The following CAPN10 variants were observed in gnomAD, a reference collection of about 807,000 sequenced individuals.
CAPN10 encodes the protein calpain-10.
Under a neutral mutation model 78.4 loss-of-function variants are expected in CAPN10, and 71 were observed. The observed-to-expected ratio is 0.91, with a 90% CI of 0.75 to 1.10. The LOEUF is 1.10. CAPN10 is among the 50% of genes least tolerant of loss of function. The probability of loss-of-function intolerance (pLI) is 0.00; values close to 1 mark genes in which losing one functional copy is unlikely to be tolerated. For synonymous variants in CAPN10, 437 were observed against 407.2 expected (o/e 1.07, Z -0.88); for missense variants, 849 against 924.6 (o/e 0.92, Z 1.06).
Position 240,589,484 on chromosome 2 carries a change from C to G in CAPN10, c.273+10C>G. Reference sequence around the variant, plus strand: ...GCACCTCCTGGACCAGGTGCGGGGCCCCTTCCCTGTGTTTGTCCTGGAGCC... The same window carrying G: ...GCACCTCCTGGACCAGGTGCGGGGCGCCTTCCCTGTGTTTGTCCTGGAGCC... On this transcript the variant is annotated intron_variant, in intron 2 of 11. Transcript: ENST00000391984. 4 of 1,606,576 alleles carry G rather than the reference C, an allele frequency of 2.5e-6. No individual in the cohort carries two copies. The highest frequency in any genetic ancestry group is 2.5e-6 in the Non-Finnish European group (3 of 1,176,914).
Position 240,594,728 on chromosome 2 carries a change from G to A in CAPN10, c.997+19G>A, listed in dbSNP as rs200267016. On this transcript the variant is annotated intron_variant, in intron 6 of 11. Transcript: ENST00000391984. ...TACACAGGTAGTGCCCCGAGGGGCT[G>A]TGCTGGGCACGTGCTCTGCCTGCCG... 11 of 1,604,604 alleles carry A rather than the reference G, an allele frequency of 6.9e-6. No homozygotes were observed. The South Asian group carries it at 1.1e-4, about 16-fold the overall frequency.
chr2:240,595,401 G>A (rs760958626), intron 7 of CAPN10, 97 bp downstream of exon 7: 41 of 1,341,882 alleles, frequency 3.1e-5, no homozygotes, highest in Non-Finnish European at 4.1e-5. Flanking sequence ...GGACACATGT[G>A]ACTCTGCCAC....
At chr2:240,587,445 C>T (rs67448739) in intron 1 of CAPN10, among the ~76,000 whole-genome samples, 21,002 of 152,290 alleles carry the variant, frequency 0.14, 1,567 homozygotes, top group South Asian at 0.19. Context: ...CTAGGCCGAG[C>T]CCACAAAGCA....
rs2093150556 is a variant in CAPN10, at chr2:240,598,309, G to A, written c.1944-43G>A. ...GCCAGGAGCACACAGCCACTTGTGT[G>A]ACAAGTGCAGTCTGGGAGCGCTGAT... is the stretch of plus-strand genomic sequence containing the variant. On this transcript the variant is annotated intron_variant, in intron 10 of 11. Transcript: ENST00000391984. 1.9e-6 allele frequency: 3 copies of A among 1,598,070 alleles called. No individual in the cohort carries two copies. The Admixed American group carries it at 5.0e-5, about 27-fold the overall frequency.
At chr2:240,594,422 C>T (rs1038068768) in intron 5 of CAPN10, 121 bp from the exon 6 acceptor site, 12 of 996,026 alleles carry the variant, frequency 1.2e-5, no homozygotes, top group African/African-American at 1.6e-5. Flanking sequence ...AGCTGGGGCA[C>T]GGGGTTGCTG....
chr2:240,594,905 C>A (rs2093126818), intron 6 of CAPN10, 119 bp from the exon 7 acceptor site: 3 of 887,122 alleles, frequency 3.4e-6, no homozygotes, highest in Non-Finnish European at 4.7e-6. Flanking sequence ...GTGGGAGGGG[C>A]TGGCTCTGTC....
At chr2:240,594,132 C>G in intron 5 of CAPN10, 85 bp downstream of exon 5, 1 of 1,391,738 alleles carries the variant, frequency 7.2e-7, no homozygotes, top group Non-Finnish European at 9.6e-7. Context: ...CTTCAGCTGT[C>G]AGGACTGTAC....
chr2:240,591,042 C>G (rs780543359), intron 3 of CAPN10, 31 bp downstream of exon 3: 4 of 1,600,204 alleles, frequency 2.5e-6, no homozygotes, highest in African/African-American at 2.7e-5. Flanking sequence ...AGGGCCTGGC[C>G]TGGGGCAAGT....
chr2:240,591,969 G>A lies in CAPN10; in HGVS notation c.507G>A (p.Gln169=), dbSNP rs1257562521. The A allele has an allele frequency of 3.1e-6, 5 of 1,613,464 alleles. No homozygotes were observed. The highest frequency in any genetic ancestry group is 1.7e-5 in the Admixed American group (1 of 60,002). The change falls in exon 4 of 12, where the codon CAG becomes CAA. Residue 169 remains glutamine, a synonymous_variant. Transcript: ENST00000391984. ...CCTACGAGCACCTGTGGGCCGGGCAGGTGGCGGATGCCCTGGTGGACCTGA... is the reference window on the plus strand; with the variant it reads ...CCTACGAGCACCTGTGGGCCGGGCAAGTGGCGGATGCCCTGGTGGACCTGA... ...HGSYEHLWAG[Q]VADALVDLTG...
At chr2:240,596,294 C>T (rs752717259) in intron 7 of CAPN10, 25 bp from the exon 8 acceptor site, 1 of 1,586,128 alleles carries the variant, frequency 6.3e-7, no homozygotes, top group African/African-American at 1.3e-5. Flanking sequence ...CTCCTCCACA[C>T]TGAGCCTCCT....
Position 240,589,359 on chromosome 2 carries a change from C to G in CAPN10, c.158C>G (p.Pro53Arg). 6.2e-7 allele frequency: 1 copy of G among 1,614,088 alleles called. No individual in the cohort carries two copies. Among genetic ancestry groups the G allele is most frequent in the Non-Finnish European group, 8.5e-7 (1 of 1,180,002 alleles). Reference protein sequence around the residue: ...WRRPQEICATPRLFPDDPREG... With the variant: ...WRRPQEICATRRLFPDDPREG... ...GTATCTCAGGAGATTTGTGCCACAC[C>G]CCGGCTGTTTCCAGATGACCCACGG... The change falls in exon 2 of 12, where the codon CCC (proline) becomes CGC (arginine). Residue 53 changes from proline to arginine, a missense_variant. Physicochemically the swap from Pro to Arg is moderately radical, Grantham distance 103 (BLOSUM62 -2). Transcript: ENST00000391984.
chr2:240,595,962 C>G, intron 7 of CAPN10: 1 of 1,365,712 alleles, frequency 7.3e-7, no homozygotes, highest in Non-Finnish European at 9.7e-7. Context: ...ACACTGTTCC[C>G]TGTCCCTTCA....
At position 240,594,646 on chromosome 2, in the gene CAPN10, T is replaced by A. The variant is rs2125462740; in HGVS notation, c.934T>A (p.Phe312Ile). ...WVEEEEFLRE[F>I]DELTVGYPVT... is the part of the protein sequence containing the mutation. ...GGAGGAGGAGGAGTTCCTCAGGGAGTTTGACGAGCTCACCGTTGGCTACCC... is the reference window on the plus strand; with the variant it reads ...GGAGGAGGAGGAGTTCCTCAGGGAGATTGACGAGCTCACCGTTGGCTACCC... The change falls in exon 6 of 12, where the codon TTT (phenylalanine) becomes ATT (isoleucine). Residue 312 changes from phenylalanine to isoleucine, a missense_variant. Phe to Ile is a conservative substitution (Grantham distance 21, BLOSUM62 0). Coordinates refer to ENST00000391984, the MANE Select transcript of CAPN10 (RefSeq NM_023083.4). 1 of 1,613,642 alleles carries A rather than the reference T, an allele frequency of 6.2e-7. No individual in the cohort carries two copies. Among genetic ancestry groups the A allele is most frequent in the African/African-American group, 1.3e-5 (1 of 74,914 alleles).
intron 11 of CAPN10, 70 bp from the exon 12 acceptor site, chr2:240,598,581 C>A: frequency 6.6e-7 from 1 of 1,515,794 alleles, no homozygotes; most frequent in Non-Finnish European, 9.0e-7. Context: ...CATTCCCTGG[C>A]TGCACTCGGG....
At chr2:240,593,719 T>C (rs1385308362) in intron 4 of CAPN10, among the ~76,000 whole-genome samples, 187 bp from the exon 5 acceptor site, 3 of 152,184 alleles carry the variant, frequency 2.0e-5, no homozygotes, top group Non-Finnish European at 4.4e-5. Flanking sequence ...GAGATGCTCC[T>C]GAGCTGATGG....
intron 2 of CAPN10, chr2:240,590,546 C>T (rs956084131): frequency 6.9e-5 from 29 of 423,018 alleles, no homozygotes; most frequent in East Asian, 6.3e-4. Flanking sequence ...CCTGTGCAGG[C>T]GCCGACATCC....
intron 1 of CAPN10, among the ~76,000 whole-genome samples, chr2:240,588,911 A>G (rs750107926): frequency 6.6e-6 from 1 of 152,110 alleles, no homozygotes; most frequent in Non-Finnish European, 1.5e-5. Context: ...GGGGTGGGCA[A>G]GGGCAGTGTG....
In CAPN10 at chr2:240,598,939, C is replaced by G; in HGVS notation, c.*259C>G. The G allele has an allele frequency of 1.8e-6, 1 of 561,918 alleles. No individual in the cohort carries two copies. Among genetic ancestry groups the G allele is most frequent in the Non-Finnish European group, 3.2e-6 (1 of 312,538 alleles). 34.8% of individuals were successfully genotyped at this position (561,918 alleles called of 1,614,324 possible). On this transcript the variant is annotated 3_prime_UTR_variant, in exon 12 of 12. Transcript: ENST00000391984. ...TTGCGCCACTGAGACGGCAGAGACC[C>G]CAGGATCCCAGAGCTTCCCAGGATC...
chr2:240,591,614 G>T lies in CAPN10; in HGVS notation c.471-319G>T, dbSNP rs1575447294. 13 of 408,638 alleles carry T rather than the reference G, an allele frequency of 3.2e-5. No individual in the cohort carries two copies. The South Asian group carries it at 5.5e-4, about 17-fold the overall frequency. The allele number at this position is 408,638 out of a possible 1,614,324, so 25.3% of individuals were successfully genotyped here. On this transcript the variant is annotated intron_variant, in intron 3 of 11. Coordinates refer to ENST00000391984, the MANE Select transcript of CAPN10 (RefSeq NM_023083.4). ...CCAAGGGCTGTTTTAGGAAAAGCAG[G>T]GTTGGAGCTTGAGAGCCAAGGGATG...
Sources: gnomAD v4.1 joint callset for allele counts (sites outside exome capture counted in the v4.1 genomes callset) on GRCh38, gnomAD v4.1.1 for gene constraint, MANE v1.5 for transcripts, NCBI Gene and HGNC (gene_info 2026-07-23, HGNC 2026-07-21) for gene names.